The following MAP3K5 variants were observed in gnomAD, a reference collection of about 807,000 sequenced individuals.
The protein encoded by MAP3K5 is ASK-1.
Under a neutral mutation model 158.7 loss-of-function variants are expected in MAP3K5, and 56 were observed. The ratio of observed to expected loss-of-function variants is 0.35; its 90% CI spans 0.28 to 0.44. MAP3K5 has a LOEUF of 0.44. Among genes scored for constraint, MAP3K5 ranks in the 20% least tolerant of loss-of-function variants. The probability of loss-of-function intolerance (pLI) is 1.00; values close to 1 mark genes in which losing one functional copy is unlikely to be tolerated. For synonymous variants in MAP3K5, 579 were observed against 601.7 expected (o/e 0.96, Z 0.55); for missense variants, 1,294 against 1,674.8 (o/e 0.77, Z 3.97).
At chr6:136,678,496 A>G (rs1779796429) in intron 7 of MAP3K5, among the ~76,000 whole-genome samples, 1 of 152,222 alleles carries the variant, frequency 6.6e-6, no homozygotes, top group Non-Finnish European at 1.5e-5. Flanking sequence ...CTATACATAA[A>G]GAAATCTAAA....
At chr6:136,683,491 G>C (rs1780020259) in intron 7 of MAP3K5, among the ~76,000 whole-genome samples, 1 of 152,198 alleles carries the variant, frequency 6.6e-6, no homozygotes, top group Admixed American at 6.5e-5. Flanking sequence ...ATGTCTTTCA[G>C]CTGCTGGTTC....
At chr6:136,692,913 AC>A (rs1358054056) in intron 7 of MAP3K5, among the ~76,000 whole-genome samples, 1 of 152,080 alleles carries the variant, frequency 6.6e-6, no homozygotes, top group Admixed American at 6.5e-5. Flanking sequence ...CCGAGATTGC[AC>A]CACTACACTA....
chr6:136,562,837 A>ATTTT (rs3040779), intron 26 of MAP3K5, among the ~76,000 whole-genome samples: 7 of 124,838 alleles, frequency 5.6e-5, no homozygotes, highest in East Asian at 2.5e-4. Flanking sequence ...TGCCTGGCTA[A>ATTTT]TTTTTTTTTT....
intron 6 of MAP3K5, among the ~76,000 whole-genome samples, chr6:136,695,620 T>C (rs1255871945): frequency 6.6e-6 from 1 of 152,242 alleles, no homozygotes; most frequent in Non-Finnish European, 1.5e-5. Flanking sequence ...GACCATCTGG[T>C]GTTGAGTGTA....
Position 136,790,304 on chromosome 6 carries a change from T to C in MAP3K5, c.448+1406A>G, listed in dbSNP as rs796669590. Among the ~76,000 whole-genome samples the C allele has an allele frequency of 2.0e-5, 3 of 152,084 alleles. No individual in the cohort carries two copies. The South Asian group carries it at 6.2e-4, about 31-fold the overall frequency. ...AGAGCCCTAGGAAAAAAACGCCCAA[T>C]CAGTGCAATAAAAATAGGCTCAAGT... On this transcript the variant is annotated intron_variant, in intron 1 of 29. Transcript: ENST00000359015.
intron 1 of MAP3K5, among the ~76,000 whole-genome samples, chr6:136,725,403 G>A (rs1781925752): frequency 6.6e-6 from 1 of 152,148 alleles, no homozygotes; most frequent in Non-Finnish European, 1.5e-5. Context: ...AGTCTAATAG[G>A]TATGTAGTGG....
intron 10 of MAP3K5, among the ~76,000 whole-genome samples, chr6:136,651,727 T>C (rs1265546723): frequency 6.6e-6 from 1 of 152,134 alleles, no homozygotes; most frequent in Non-Finnish European, 1.5e-5. Context: ...AAAAGAGAAA[T>C]AAAATTTGTT....
intron 2 of MAP3K5, among the ~76,000 whole-genome samples, chr6:136,715,010 C>T (rs1781461280): frequency 6.6e-6 from 1 of 151,992 alleles, no homozygotes. Flanking sequence ...AATGAAAATC[C>T]CATCCATAAA....
chr6:136,682,541 G>A (rs1048445507), intron 7 of MAP3K5, among the ~76,000 whole-genome samples: 2 of 152,160 alleles, frequency 1.3e-5, no homozygotes, highest in African/African-American at 4.8e-5. Context: ...CACTGTCACT[G>A]ACGTAAAAGA....
At chr6:136,774,617 T>C (rs1171187530) in intron 1 of MAP3K5, among the ~76,000 whole-genome samples, 1 of 152,222 alleles carries the variant, frequency 6.6e-6, no homozygotes, top group Non-Finnish European at 1.5e-5. Context: ...CACACACTGA[T>C]ACAGAAGACC....
At chr6:136,668,311 G>A (rs1002912898) in intron 8 of MAP3K5, among the ~76,000 whole-genome samples, 1 of 152,200 alleles carries the variant, frequency 6.6e-6, no homozygotes, top group African/African-American at 2.4e-5. Context: ...TTGAGCTTAA[G>A]AATTCAAGGC....
intron 10 of MAP3K5, among the ~76,000 whole-genome samples, chr6:136,654,837 C>T (rs2114428626): frequency 6.6e-6 from 1 of 151,706 alleles, no homozygotes; most frequent in African/African-American, 2.4e-5. Context: ...AACATTTTCT[C>T]CCTGCCTAGC....
chr6:136,629,938 G>A (rs1040551381), intron 14 of MAP3K5, among the ~76,000 whole-genome samples: 1 of 152,016 alleles, frequency 6.6e-6, no homozygotes, highest in African/African-American at 2.4e-5. Flanking sequence ...TTTCAGTAGA[G>A]ATGGGGTTTC....
chr6:136,635,725 C>CAAA (rs140167177), intron 14 of MAP3K5, among the ~76,000 whole-genome samples: 7 of 67,862 alleles, frequency 1.0e-4, no homozygotes, highest in Admixed American at 3.7e-4. Context: ...CCGTCTCCAC[C>CAAA]AAAAAAAAAA....
chr6:136,592,740 C>A (rs1775450125), intron 21 of MAP3K5, 126 bp from the exon 22 acceptor site: 8 of 843,160 alleles, frequency 9.5e-6, no homozygotes, highest in Non-Finnish European at 1.6e-5. Flanking sequence ...CATAATTATG[C>A]TATGTAAGGG....
At chr6:136,591,522 C>T (rs970457620) in intron 23 of MAP3K5, among the ~76,000 whole-genome samples, 1 of 152,088 alleles carries the variant, frequency 6.6e-6, no homozygotes, top group Non-Finnish European at 1.5e-5. Context: ...GTGTTTTAGT[C>T]TTTATTTAGG....
chr6:136,763,760 G>T (rs1169480765), intron 1 of MAP3K5, among the ~76,000 whole-genome samples: 1 of 152,084 alleles, frequency 6.6e-6, no homozygotes, highest in Non-Finnish European at 1.5e-5. Context: ...CTCCAATATG[G>T]GCGTATTGAG....
intron 11 of MAP3K5, among the ~76,000 whole-genome samples, chr6:136,643,802 C>T (rs1414699770): frequency 6.6e-6 from 1 of 152,180 alleles, no homozygotes; most frequent in East Asian, 1.9e-4. Context: ...CTGTCTTAAC[C>T]AGAGTACAGA....
rs539648654 is a variant in MAP3K5 at position 136,762,228 on chromosome 6, A to T, written c.448+29482T>A. On this transcript the variant is annotated intron_variant, in intron 1 of 29. Coordinates refer to ENST00000359015, the MANE Select transcript of MAP3K5 (RefSeq NM_005923.4). ...GGAAAAATGGGAAGAAAGAGAAGAG[A>T]AGAGAAGAGACAGAGAGGTAAATGG... Among the ~76,000 whole-genome samples, 900 of 152,314 alleles carry T rather than the reference A, an allele frequency of 5.9e-3. 8 individuals carry two copies. The highest frequency in any genetic ancestry group is 0.02 in the African/African-American group (828 of 41,548).
Sources: gnomAD v4.1 joint callset for allele counts (sites outside exome capture counted in the v4.1 genomes callset) on GRCh38, gnomAD v4.1.1 for gene constraint, MANE v1.5 for transcripts, NCBI Gene and HGNC (gene_info 2026-07-23, HGNC 2026-07-21) for gene names.